CSNK2A2IP: variants seen among roughly 807,000 people sequenced by gnomAD.
The protein encoded by CSNK2A2IP is casein kinase II subunit alpha'-interacting protein.
At chr3:88,445,275 C>CAAAAAAAAAAAA in the CSNK2A2IP span, among the ~76,000 whole-genome samples, 91 of 47,772 alleles carry the variant, frequency 1.9e-3, 8 homozygotes, top group African/African-American at 2.9e-3. Context: ...GTAAAAATAC[C>CAAAAAAAAAAAA]AAAAAAAAAA....
chr3:88,427,810 G>T, the CSNK2A2IP span, among the ~76,000 whole-genome samples: 8 of 152,190 alleles, frequency 5.3e-5, no homozygotes, highest in Admixed American at 2.0e-4. Flanking sequence ...TGGTGCAGGG[G>T]TGGAGCTCTC....
At chr3:88,436,196 G>A in the CSNK2A2IP span, among the ~76,000 whole-genome samples, 5 of 152,024 alleles carry the variant, frequency 3.3e-5, no homozygotes, top group South Asian at 6.2e-4. Flanking sequence ...CATATAATAT[G>A]CATTACCAAG....
At chr3:88,462,117 A>G in the CSNK2A2IP span, among the ~76,000 whole-genome samples, 2 of 38,576 alleles carry the variant, frequency 5.2e-5, no homozygotes. Flanking sequence ...TTTTTTTCAT[A>G]TATATATATA....
At chr3:88,410,410 C>A in the CSNK2A2IP span, among the ~76,000 whole-genome samples, 2 of 152,036 alleles carry the variant, frequency 1.3e-5, no homozygotes, top group Non-Finnish European at 2.9e-5. Context: ...ATAAAGATCT[C>A]TGAAACTTCT....
At chr3:88,452,780 G>A in the CSNK2A2IP span, among the ~76,000 whole-genome samples, 1 of 151,946 alleles carries the variant, frequency 6.6e-6, no homozygotes, top group Admixed American at 6.6e-5. Flanking sequence ...AATAAAAAAG[G>A]CACATAGCTT....
chr3:88,409,723 GTTTAT>G, the CSNK2A2IP span, among the ~76,000 whole-genome samples: 1 of 151,888 alleles, frequency 6.6e-6, no homozygotes, highest in Non-Finnish European at 1.5e-5. Context: ...AGATCATTTT[GTTTAT>G]TTTGTTTTCT....
the CSNK2A2IP span, among the ~76,000 whole-genome samples, chr3:88,446,029 CTTTTCTTTCTTTCTTT>C: frequency 3.0e-5 from 1 of 33,186 alleles, no homozygotes; most frequent in African/African-American, 7.7e-5. Context: ...TTCTTTGTTT[CTTTTCTTTCTTTCTTT>C]CTTTCTTTCT....
At chr3:88,364,713 G>C in the CSNK2A2IP span, among the ~76,000 whole-genome samples, 3 of 152,056 alleles carry the variant, frequency 2.0e-5, no homozygotes, top group Non-Finnish European at 4.4e-5. Flanking sequence ...TTAATTCCCT[G>C]AGTTATATAA....
the CSNK2A2IP span, among the ~76,000 whole-genome samples, chr3:88,445,891 TTCTC>T: frequency 1.3e-5 from 2 of 151,552 alleles, no homozygotes; most frequent in Non-Finnish European, 2.9e-5. Context: ...CTTTCTTTCT[TTCTC>T]TTTCTTTCTT....
the CSNK2A2IP span, among the ~76,000 whole-genome samples, chr3:88,380,694 C>T: frequency 1.3e-5 from 2 of 151,656 alleles, no homozygotes; most frequent in Non-Finnish European, 2.9e-5. Flanking sequence ...AAGTAGAATA[C>T]TGACCTAAAA....
chr3:88,425,938 G>A, the CSNK2A2IP span, among the ~76,000 whole-genome samples: 1 of 152,142 alleles, frequency 6.6e-6, no homozygotes, highest in Admixed American at 6.5e-5. Flanking sequence ...ATCATGGGAA[G>A]TCAGTGAGGC....
chr3:88,352,586 T>C, the CSNK2A2IP span, among the ~76,000 whole-genome samples: 1 of 151,938 alleles, frequency 6.6e-6, no homozygotes, highest in Admixed American at 6.6e-5. Context: ...TTAATTAATT[T>C]ATTTATTATT....
chr3:88,466,921 A>T, the CSNK2A2IP span: 4 of 1,231,272 alleles, frequency 3.2e-6, no homozygotes, highest in South Asian at 8.2e-5. Flanking sequence ...ATTAGTTCTT[A>T]TCCTTTCTCT....
the CSNK2A2IP span, among the ~76,000 whole-genome samples, chr3:88,413,603 T>C: frequency 2.0e-5 from 3 of 151,846 alleles, no homozygotes; most frequent in African/African-American, 7.3e-5. Context: ...TTGACAAAAG[T>C]TGAGTATGTG....
the CSNK2A2IP span, among the ~76,000 whole-genome samples, chr3:88,370,229 GGTGCCATA>G: frequency 2.0e-5 from 3 of 151,820 alleles, no homozygotes; most frequent in Non-Finnish European, 2.9e-5. Context: ...ATGGGATACA[GGTGCCATA>G]GTAAACTATA....
the CSNK2A2IP span, among the ~76,000 whole-genome samples, chr3:88,423,658 T>C: frequency 6.6e-6 from 1 of 152,290 alleles, no homozygotes; most frequent in Admixed American, 6.5e-5. Context: ...AGTCTGATCC[T>C]TCAGTCCCCA....
the CSNK2A2IP span, among the ~76,000 whole-genome samples, chr3:88,418,463 T>TGTGTGCGCGC: frequency 0.02 from 2,923 of 149,604 alleles, 44 homozygotes; most frequent in East Asian, 0.079. Flanking sequence ...TGTGTGTGTG[T>TGTGTGCGCGC]GCGCGCGGGC....
chr3:88,396,000 A>G, the CSNK2A2IP span, among the ~76,000 whole-genome samples: 1 of 152,172 alleles, frequency 6.6e-6, no homozygotes, highest in Non-Finnish European at 1.5e-5. Context: ...CATGATTAGT[A>G]AAATCATAGG....
chr3:88,440,186 A>G, the CSNK2A2IP span, among the ~76,000 whole-genome samples: 1 of 152,092 alleles, frequency 6.6e-6, no homozygotes, highest in African/African-American at 2.4e-5. Flanking sequence ...TCTTATAAAT[A>G]TTTTTCCATG....
Sources: allele counts gnomAD v4.1 joint callset (sites outside exome capture counted in the v4.1 genomes callset), GRCh38; gene constraint gnomAD v4.1.1; transcripts MANE v1.5; gene names NCBI Gene and HGNC (gene_info 2026-07-23, HGNC 2026-07-21).